The following C4orf50 variants were observed in gnomAD, a reference collection of about 807,000 sequenced individuals.
The protein encoded by C4orf50 is chromosome 4 open reading frame 50.
C4orf50 carries 80 observed loss-of-function variants against 77.2 expected under a neutral mutation model. The observed-to-expected ratio is 1.04, with a 90% CI of 0.87 to 1.25. C4orf50 has a LOEUF of 1.25. Ranked by LOEUF, C4orf50 falls within the 50% of genes most tolerant of loss-of-function variation. The pLI is 0.00. For missense variants in C4orf50, 1,257 were observed against 1,152.9 expected (o/e 1.09, Z -1.31); for synonymous variants, 532 against 465.3 (o/e 1.14, Z -1.84).
At chr4:5,940,328 T>C (rs1233133342) in intron 7 of C4orf50, among the ~76,000 whole-genome samples, 2 of 152,250 alleles carry the variant, frequency 1.3e-5, no homozygotes, top group Non-Finnish European at 2.9e-5. Context: ...TTGTAATTCA[T>C]TATACTATTA....
chr4:5,988,213 C>T (rs1720985481), intron 28 of C4orf50, 134 bp downstream of exon 6: 1 of 1,172,666 alleles, frequency 8.5e-7, no homozygotes, highest in African/African-American at 1.5e-5. Flanking sequence ...TTGTACCAAC[C>T]TCCTCTCATC....
At chr4:5,965,189 G>A (rs751878575) in intron 32 of C4orf50, 44 bp from the exon 11 acceptor site, 3 of 1,594,400 alleles carry the variant, frequency 1.9e-6, no homozygotes, top group Non-Finnish European at 2.6e-6. Flanking sequence ...CAGGAACCTA[G>A]GTGAAAAGTC....
chr4:5,946,134 G>T (rs1718471800), intron 7 of C4orf50, among the ~76,000 whole-genome samples: 1 of 152,222 alleles, frequency 6.6e-6, no homozygotes, highest in African/African-American at 2.4e-5. Flanking sequence ...AACCTAGGGT[G>T]GTCACTGCTT....
Position 5,900,025 on chromosome 4 carries a change from G to A in C4orf50, c.*2475-1837C>T, listed in dbSNP as rs2152479425. ...GACCACATGACACTGTCTCAACAGA[G>A]AAAAACAGGTTGTGTCTAAAATATG... On this transcript the variant is annotated intron_variant, in intron 7 of 7. Transcript: ENST00000324058. The surrounding 1 kb of genome is among the most constrained non-coding windows in gnomAD (Gnocchi z 4.3). 1 of 152,280 alleles carries A rather than the reference G, an allele frequency of 6.6e-6. No individual in the cohort carries two copies. 9.4% of individuals were successfully genotyped at this position (152,280 alleles called of 1,614,324 possible).
chr4:5,965,213 G>A (rs1013220326), intron 32 of C4orf50, 68 bp from the exon 11 acceptor site: 10 of 1,520,186 alleles, frequency 6.6e-6, no homozygotes, highest in Non-Finnish European at 9.0e-6. Flanking sequence ...AAGTGTCTGA[G>A]CCTTGTCATA....
intron 25 of C4orf50, among the ~76,000 whole-genome samples, chr4:6,004,470 ATGAGATGAG>A (rs1722145346): frequency 2.4e-5 from 1 of 42,124 alleles, no homozygotes; most frequent in African/African-American, 8.3e-5. Flanking sequence ...GGTGATGGTG[ATGAGATGAG>A]CACAAGCCCA....
At chr4:6,002,586 C>G (rs973117461) in intron 25 of C4orf50, among the ~76,000 whole-genome samples, 1 of 152,210 alleles carries the variant, frequency 6.6e-6, no homozygotes, top group Non-Finnish European at 1.5e-5. Context: ...CACTCTGTCC[C>G]TAGGCCTGTG....
At chr4:5,904,891 A>C (rs1716484595) in intron 7 of C4orf50, 1 of 152,218 alleles carries the variant, frequency 6.6e-6, no homozygotes, top group Admixed American at 6.5e-5. Context: ...GAAGCTACGC[A>C]GAATGGTAAA....
exon 28 of C4orf50, chr4:5,989,741 G>A (rs768556784): frequency 6.5e-7 from 1 of 1,534,926 alleles, no homozygotes; most frequent in African/African-American, 1.4e-5. Context: ...GGAAACAGTG[G>A]CAAACCTGTC....
chr4:5,923,596 G>A (rs192871000), intron 7 of C4orf50, among the ~76,000 whole-genome samples: 4 of 152,276 alleles, frequency 2.6e-5, no homozygotes, highest in Admixed American at 2.6e-4. Flanking sequence ...TAGGGATGGA[G>A]GGGAGAAGGC....
rs1197893561 is a variant in C4orf50, at chr4:5,959,686, A to G, written c.4276-60T>C. On this transcript the variant is annotated intron_variant, in intron 33 of 33. Coordinates refer to ENST00000531445, the Ensembl canonical transcript of C4orf50. Reference sequence around the variant, plus strand: ...TCCACATGTTTGTAAAAGCCCCTCCATTCACACATTTAATCAAAGGAAGAG... The same window carrying G: ...TCCACATGTTTGTAAAAGCCCCTCCGTTCACACATTTAATCAAAGGAAGAG... The G allele has an allele frequency of 3.9e-6, 6 of 1,545,668 alleles. No individual in the cohort carries two copies. The East Asian group carries it at 1.4e-4, about 35-fold the overall frequency.
At chr4:5,983,725 G>A (rs142570454) in intron 28 of C4orf50, among the ~76,000 whole-genome samples, 80 of 152,286 alleles carry the variant, frequency 5.3e-4, no homozygotes, top group African/African-American at 1.8e-3. Context: ...CAATGGTCTC[G>A]AAAATAGAGC....
At chr4:5,959,901 T>A (rs1301374859) in intron 33 of C4orf50, among the ~76,000 whole-genome samples, 1 of 152,090 alleles carries the variant, frequency 6.6e-6, no homozygotes, top group Non-Finnish European at 1.5e-5. Context: ...TGCCTGACAA[T>A]ACAGTCATGA....
Position 5,992,954 on chromosome 4 carries a change from G to A in C4orf50, c.1094-24C>T. 2.5e-6 allele frequency: 1 copy of A among 398,924 alleles called. No individual in the cohort carries two copies. The highest frequency in any genetic ancestry group is 1.3e-4 in the South Asian group (1 of 7,818). 24.7% of individuals were successfully genotyped at this position (398,924 alleles called of 1,614,324 possible). ...GCCTGGAAAGCAACAAGACCCTGGG[G>A]GTTACAAAGATGCTCCCAGGGGCTC... On this transcript the variant is annotated intron_variant, in intron 26 of 33. Coordinates refer to ENST00000531445, the Ensembl canonical transcript of C4orf50. This position sits in a 1 kb window ranked among gnomAD's most constrained non-coding sequence, Gnocchi z 5.0.
rs141972310 is a variant in C4orf50, at chr4:5,929,940, AGAT to A, written c.*2474+26958_*2474+26960del. Among the ~76,000 whole-genome samples, 542 of 152,352 alleles carry A rather than the reference AGAT, an allele frequency of 3.6e-3. 2 individuals carry two copies. Among genetic ancestry groups the A allele is most frequent in the African/African-American group, 0.012 (518 of 41,586 alleles). On this transcript the variant is annotated intron_variant, in intron 7 of 7. Transcript: ENST00000324058. Reference sequence around the variant, plus strand: ...AGCAAATTTTATTGGGCTCTACTAGAGATGCCAAGTTAGAGGTGGCTTTTACTT... The same window carrying A: ...AGCAAATTTTATTGGGCTCTACTAGAGCCAAGTTAGAGGTGGCTTTTACTT...
At chr4:5,924,282 T>C (rs915805898) in intron 7 of C4orf50, among the ~76,000 whole-genome samples, 5 of 152,174 alleles carry the variant, frequency 3.3e-5, no homozygotes, top group Non-Finnish European at 5.9e-5. Context: ...CCCTGACTAA[T>C]ACAAGAGCCA....
At chr4:5,947,553 G>A (rs1336395954) in intron 7 of C4orf50, among the ~76,000 whole-genome samples, 1 of 136,528 alleles carries the variant, frequency 7.3e-6, no homozygotes, top group Non-Finnish European at 1.7e-5. Context: ...AGCAACGGAT[G>A]GGAAAACAAC....
chr4:5,993,224 C>T (rs1721392737), intron 26 of C4orf50, among the ~76,000 whole-genome samples: 1 of 152,214 alleles, frequency 6.6e-6, no homozygotes, highest in Non-Finnish European at 1.5e-5. Flanking sequence ...TTCTAAGCCT[C>T]AGCATCCTCA....
chr4:5,959,620 G>T, exon 34 of C4orf50: 1 of 1,612,196 alleles, frequency 6.2e-7, no homozygotes, highest in South Asian at 1.1e-5. Flanking sequence ...ACCAAGGACA[G>T]AGGGAGCTGC....
Sources: allele counts gnomAD v4.1 joint callset (sites outside exome capture counted in the v4.1 genomes callset), GRCh38; gene constraint gnomAD v4.1.1; non-coding constraint Gnocchi (gnomAD v3.1); transcripts MANE v1.5; gene names NCBI Gene and HGNC (gene_info 2026-07-23, HGNC 2026-07-21).